Variants in BIRC6 observed in about 807,000 individuals in gnomAD.
BIRC6 encodes the protein baculoviral IAP repeat containing 6, also known as dual E2 ubiquitin-conjugating enzyme/E3 ubiquitin-protein ligase BIRC6.
A neutral mutation model predicts 503.3 loss-of-function variants in BIRC6; 98 were observed. The observed-to-expected ratio is 0.19, with a 90% CI of 0.17 to 0.23. The LOEUF (loss-of-function observed/expected upper bound fraction) is 0.23, where lower values mean the gene tolerates loss of function less well. BIRC6 is among the 10% of genes least tolerant of loss of function. BIRC6 has a pLI of 1.00. For synonymous variants in BIRC6, 2,240 were observed against 2,078.7 expected, an observed-to-expected ratio of 1.08 and a Z score of -2.11; for missense variants, 5,360 against 5,806.0, an observed-to-expected ratio of 0.92 and a Z score of 2.50.
chr2:32,465,805 A>G (rs1052551970), intron 26 of BIRC6, among the ~76,000 whole-genome samples: 1 of 152,222 alleles, frequency 6.6e-6, no homozygotes, highest in Non-Finnish European at 1.5e-5. Flanking sequence ...ACACTGTAGC[A>G]TGTATCATTA....
At chr2:32,488,539 A>G in intron 41 of BIRC6, 49 bp from the exon 42 acceptor site, 2 of 1,422,498 alleles carry the variant, frequency 1.4e-6, no homozygotes, top group Non-Finnish European at 1.9e-6. Flanking sequence ...ATTGTATTTC[A>G]TATTATAATA....
chr2:32,491,901 C>T (rs2051770141), intron 44 of BIRC6, among the ~76,000 whole-genome samples: 1 of 152,012 alleles, frequency 6.6e-6, no homozygotes, highest in South Asian at 2.1e-4. Context: ...TATTTGATTA[C>T]TTCTACTATC....
At chr2:32,430,097 A>G (rs960118521) in intron 11 of BIRC6, among the ~76,000 whole-genome samples, 1 of 152,214 alleles carries the variant, frequency 6.6e-6, no homozygotes, top group African/African-American at 2.4e-5. Context: ...TGAGAAAAAG[A>G]TGTAATTTGA....
At chr2:32,544,710 T>A (rs1286107928) in intron 62 of BIRC6, among the ~76,000 whole-genome samples, 1 of 76,618 alleles carries the variant, frequency 1.3e-5, no homozygotes, top group Non-Finnish European at 2.8e-5. Flanking sequence ...TCTGAAGCTA[T>A]CAAATATTCA....
intron 21 of BIRC6, 94 bp downstream of exon 21, chr2:32,445,762 C>T: frequency 2.2e-6 from 2 of 922,526 alleles, no homozygotes; most frequent in South Asian, 5.3e-5. Flanking sequence ...ATGCTGATAA[C>T]AGTCTTTTTC....
Position 32,464,657 on chromosome 2 carries a change from C to T in BIRC6, c.5090C>T (p.Thr1697Ile), listed in dbSNP as rs750040474. 1 of 1,613,958 alleles carries T rather than the reference C, an allele frequency of 6.2e-7. No individual in the cohort carries two copies. Among genetic ancestry groups the T allele is most frequent in the South Asian group, 1.1e-5 (1 of 91,082 alleles). ...CATCCATCTGATGTTATTCCACCCA[C>T]TCCAAAAACAACACCTCTTTTTATG... Reference protein sequence around the residue: ...FIHPSDVIPPTPKTTPLFMTP... With the variant: ...FIHPSDVIPPIPKTTPLFMTP... Residue 1697 changes from threonine to isoleucine, a missense_variant, in exon 25 of 74, where the codon ACT (threonine) becomes ATT (isoleucine). Around this residue, in one of 16 missense-constraint regions of BIRC6, gnomAD observed 2,299 missense variants for 2,267.2 expected, o/e 1.01. Transcript: ENST00000421745.
chr2:32,538,706 A>T (rs1256747026), intron 61 of BIRC6, among the ~76,000 whole-genome samples: 9 of 152,234 alleles, frequency 5.9e-5, no homozygotes, highest in African/African-American at 1.2e-4. Flanking sequence ...CGAGGCAGGC[A>T]GATCACCTGA....
intron 22 of BIRC6, 40 bp from the exon 23 acceptor site, chr2:32,453,768 A>G (rs908243494): frequency 1.9e-6 from 3 of 1,595,902 alleles, no homozygotes; most frequent in Non-Finnish European, 2.6e-6. Flanking sequence ...CTTTTTAAAA[A>G]TTATCTTCAC....
At chr2:32,369,955 T>A (rs865879323) in intron 1 of BIRC6, among the ~76,000 whole-genome samples, 1,284 of 38,826 alleles carry the variant, frequency 0.033, 23 homozygotes, top group African/African-American at 0.056. Flanking sequence ...AATATATATA[T>A]ATATATATAT....
At chr2:32,501,923 A>G in intron 47 of BIRC6, 35 bp downstream of exon 47, 2 of 1,550,362 alleles carry the variant, frequency 1.3e-6, no homozygotes, top group South Asian at 1.2e-5. Flanking sequence ...CAGTGATTCA[A>G]ATAAATTTAT....
rs1354039972 is a variant in BIRC6 at position 32,581,484 on chromosome 2, C to G, written c.13355+6118C>G. Reference sequence around the variant, plus strand: ...TACTGTTTACTTAAATTTTTCTTTGCCTTTTTTTTCTACTTAGAATTTTTC... The same window carrying G: ...TACTGTTTACTTAAATTTTTCTTTGGCTTTTTTTTCTACTTAGAATTTTTC... On this transcript the variant is annotated intron_variant, in intron 66 of 73. Transcript: ENST00000421745. 2.0e-5 allele frequency among the ~76,000 whole-genome samples: 3 copies of G among 152,034 alleles called. No individual in the cohort carries two copies. In the East Asian group the frequency reaches 5.8e-4, roughly 29 times the overall value.
chr2:32,481,820 T>G (rs1029560249), intron 38 of BIRC6, among the ~76,000 whole-genome samples: 2 of 152,086 alleles, frequency 1.3e-5, no homozygotes, highest in Non-Finnish European at 2.9e-5. Context: ...TCTCATACTT[T>G]TGGCTTAGTA....
At chr2:32,366,818 AC>A (rs996947006) in intron 1 of BIRC6, among the ~76,000 whole-genome samples, 1 of 151,396 alleles carries the variant, frequency 6.6e-6, no homozygotes, top group Non-Finnish European at 1.5e-5. Context: ...CCCCGTCTCT[AC>A]AAAAAAAAAA....
At chr2:32,469,035 T>G (rs2048853943) in intron 29 of BIRC6, among the ~76,000 whole-genome samples, 1 of 152,216 alleles carries the variant, frequency 6.6e-6, no homozygotes, top group Non-Finnish European at 1.5e-5. Context: ...GGCAAAGTAT[T>G]AAGTATTGCA....
At chr2:32,512,789 C>T (rs1288834839) in intron 53 of BIRC6, 144 bp from the exon 54 acceptor site, 4 of 652,178 alleles carry the variant, frequency 6.1e-6, no homozygotes, top group East Asian at 2.9e-5. Flanking sequence ...TCCTTTTTTT[C>T]CTATTTTAGA....
At chr2:32,494,760 A>C (rs999161556) in intron 45 of BIRC6, among the ~76,000 whole-genome samples, 15 of 151,974 alleles carry the variant, frequency 9.9e-5, no homozygotes, top group African/African-American at 3.6e-4. Context: ...AAGAAAAAGA[A>C]ATTAGCTAGG....
intron 26 of BIRC6, among the ~76,000 whole-genome samples, chr2:32,465,701 T>C (rs2048469817): frequency 6.6e-6 from 1 of 152,244 alleles, no homozygotes; most frequent in Non-Finnish European, 1.5e-5. Flanking sequence ...ACTTTTCTCT[T>C]AAAACAGTTG....
chr2:32,616,111 C>T (rs1291431059), intron 73 of BIRC6, among the ~76,000 whole-genome samples: 1 of 152,172 alleles, frequency 6.6e-6, no homozygotes, highest in Non-Finnish European at 1.5e-5. Flanking sequence ...TATAGATCTT[C>T]TTTTTAACTC....
At chr2:32,493,447 T>A (rs1240478805) in intron 44 of BIRC6, 93 bp from the exon 45 acceptor site, 6 of 1,264,048 alleles carry the variant, frequency 4.7e-6, no homozygotes, top group Non-Finnish European at 6.5e-6. Context: ...TTACAGTGTA[T>A]AGCTTTTGAC....
Sources: gnomAD v4.1 joint callset for allele counts (sites outside exome capture counted in the v4.1 genomes callset) on GRCh38, gnomAD v4.1.1 for gene constraint, gnomAD v4.1.1 regional missense constraint, MANE v1.5 for transcripts, NCBI Gene and HGNC (gene_info 2026-07-23, HGNC 2026-07-21) for gene names.